The following OSBPL9 variants were observed in gnomAD, a reference collection of about 807,000 sequenced individuals.
OSBPL9 encodes the protein oxysterol-binding protein-related protein 9.
In OSBPL9, 40 loss-of-function variants were observed where a neutral mutation model predicts 106.6. The observed-to-expected ratio is 0.38, with a 90% CI of 0.29 to 0.49. The LOEUF (loss-of-function observed/expected upper bound fraction) is 0.49. OSBPL9 is among the 20% of genes least tolerant of loss of function. OSBPL9 has a pLI of 0.97. For synonymous variants in OSBPL9, 269 were observed against 295.4 expected (o/e 0.91, Z 0.92); for missense variants, 609 against 887.2 (o/e 0.69, Z 3.98).
chr1:51,681,505 A>G (rs908101546), intron 3 of OSBPL9, among the ~76,000 whole-genome samples: 1 of 152,144 alleles, frequency 6.6e-6, no homozygotes, highest in African/African-American at 2.4e-5. Context: ...TCTCGGTTGT[A>G]TTATGTTTAT....
upstream of OSBPL9, among the ~76,000 whole-genome samples, chr1:51,613,877 T>C (rs1044546977): frequency 4.6e-5 from 7 of 150,970 alleles, no homozygotes; most frequent in African/African-American, 1.7e-4. Context: ...AAGTAGCTAG[T>C]ACTACAGGCA....
At chr1:51,625,109 G>A (rs949034943) in intron 1 of OSBPL9, among the ~76,000 whole-genome samples, 1 of 152,168 alleles carries the variant, frequency 6.6e-6, no homozygotes, top group Non-Finnish European at 1.5e-5. Context: ...AACAACAGAG[G>A]TTTTTTGTTT....
At chr1:51,535,245 A>G in the OSBPL9 span, among the ~76,000 whole-genome samples, 2 of 152,196 alleles carry the variant, frequency 1.3e-5, no homozygotes, top group African/African-American at 4.8e-5. Flanking sequence ...GGAATAAAAC[A>G]TGTTTTCAGA....
At chr1:51,566,739 G>A in the OSBPL9 span, among the ~76,000 whole-genome samples, 1 of 151,954 alleles carries the variant, frequency 6.6e-6, no homozygotes, top group Admixed American at 6.6e-5. Context: ...CACTCCTCTG[G>A]TCTCCCTAGC....
At chr1:51,610,333 C>T (rs556840531) in intron 2 of OSBPL9, among the ~76,000 whole-genome samples, 7 of 152,208 alleles carry the variant, frequency 4.6e-5, no homozygotes, top group Non-Finnish European at 1.0e-4. Context: ...GCAATCTCTG[C>T]TCACTGCAAC....
chr1:51,519,312 G>T, the OSBPL9 span: 2 of 409,918 alleles, frequency 4.9e-6, no homozygotes, highest in African/African-American at 2.2e-5. Flanking sequence ...GGGAGCGGCC[G>T]CAGGCGAGGC....
chr1:51,703,633 C>G (rs919688453), intron 3 of OSBPL9, among the ~76,000 whole-genome samples: 2 of 152,180 alleles, frequency 1.3e-5, no homozygotes, highest in Non-Finnish European at 2.9e-5. Flanking sequence ...ACCTTTATTT[C>G]CTTCTCCTGC....
chr1:51,583,611 G>A (rs890881592), intron 1 of OSBPL9: 3 of 152,160 alleles, frequency 2.0e-5, no homozygotes, highest in East Asian at 1.9e-4. Context: ...AGGCCTATTC[G>A]GTTCGGGCAT....
chr1:51,646,162 T>C (rs1452155330), intron 1 of OSBPL9, among the ~76,000 whole-genome samples: 1 of 152,154 alleles, frequency 6.6e-6, no homozygotes, highest in East Asian at 1.9e-4. Context: ...AAAGGGGAGT[T>C]AGGATTTTGA....
intron 3 of OSBPL9, among the ~76,000 whole-genome samples, chr1:51,700,811 A>G (rs1156297273): frequency 6.6e-6 from 1 of 152,024 alleles, no homozygotes; most frequent in Non-Finnish European, 1.5e-5. Flanking sequence ...ATCTATGCCA[A>G]TTTCCTGTTT....
In OSBPL9 at chr1:51,750,103, T is replaced by C. The variant is rs774690398; in HGVS notation, c.493-42T>C. On this transcript the variant is annotated intron_variant, in intron 7 of 23. Transcript: ENST00000428468. ...TAAGCTTTAACATTATATATCCATT[T>C]ATTTGAGCCAAGATCCTAAAATCAG... The C allele has an allele frequency of 2.1e-6, 3 of 1,439,142 alleles. No individual in the cohort carries two copies. In the South Asian group the frequency reaches 3.7e-5, roughly 18 times the overall value. 89.1% of individuals were successfully genotyped at this position (1,439,142 alleles called of 1,614,324 possible). A position where few individuals can be genotyped will look rare whatever the true frequency, so the allele number is the denominator to read the frequency against.
At chr1:51,556,498 G>A in the OSBPL9 span, among the ~76,000 whole-genome samples, 8 of 152,060 alleles carry the variant, frequency 5.3e-5, no homozygotes, top group African/African-American at 1.9e-4. Context: ...TGGGGGTAGG[G>A]TGCTATGAGT....
intron 3 of OSBPL9, among the ~76,000 whole-genome samples, chr1:51,689,330 A>T (rs191406218): frequency 5.4e-4 from 82 of 152,076 alleles, no homozygotes; most frequent in African/African-American, 1.7e-3. Context: ...GCCTTGCTTT[A>T]GTTTCTTTCC....
chr1:51,606,351 A>G (rs1407581479), intron 2 of OSBPL9, among the ~76,000 whole-genome samples: 1 of 152,236 alleles, frequency 6.6e-6, no homozygotes, highest in Non-Finnish European at 1.5e-5. Context: ...CTTCAGCACT[A>G]TCTTTAGCAC....
At chr1:51,639,264 T>C (rs1645629715) in intron 1 of OSBPL9, among the ~76,000 whole-genome samples, 1 of 152,286 alleles carries the variant, frequency 6.6e-6, no homozygotes. Flanking sequence ...TCTTCATGGG[T>C]TAGTTTGCCT....
At chr1:51,570,362 A>T in the OSBPL9 span, among the ~76,000 whole-genome samples, 1 of 152,204 alleles carries the variant, frequency 6.6e-6, no homozygotes, top group Admixed American at 6.5e-5. Context: ...GAAGCCATTG[A>T]GGCTATTTCA....
At chr1:51,629,647 G>A (rs1644986846) in intron 1 of OSBPL9, among the ~76,000 whole-genome samples, 1 of 152,062 alleles carries the variant, frequency 6.6e-6, no homozygotes, top group South Asian at 2.1e-4. Flanking sequence ...AGGAGAAAAG[G>A]CATACAAATT....
At chr1:51,745,471 T>C in intron 4 of OSBPL9, 65 bp from the exon 5 acceptor site, 1 of 1,561,962 alleles carries the variant, frequency 6.4e-7, no homozygotes, top group Non-Finnish European at 8.7e-7. Context: ...AAGGGAAAAG[T>C]ATTTTTTGTA....
chr1:51,544,016 A>G, the OSBPL9 span, among the ~76,000 whole-genome samples: 115 of 152,366 alleles, frequency 7.5e-4, 1 homozygote, highest in East Asian at 0.02. Context: ...ACAAATGTCA[A>G]TAATACCATG....
Sources: allele counts gnomAD v4.1 joint callset (sites outside exome capture counted in the v4.1 genomes callset), GRCh38; gene constraint gnomAD v4.1.1; transcripts MANE v1.5; gene names NCBI Gene and HGNC (gene_info 2026-07-23, HGNC 2026-07-21).